Variants in TUSC3 observed in about 807,000 individuals in gnomAD.
TUSC3 encodes dolichyl-diphosphooligosaccharide--protein glycosyltransferase subunit TUSC3.
In TUSC3, 45 loss-of-function variants were observed where a neutral mutation model predicts 44.8. The ratio of observed to expected loss-of-function variants is 1.00; its 90% confidence interval spans 0.79 to 1.29. The LOEUF (loss-of-function observed/expected upper bound fraction) is 1.29, where lower values mean the gene tolerates loss of function less well. Among genes scored for constraint, TUSC3 ranks in the 50% most tolerant of loss-of-function variants. The pLI, the probability that TUSC3 is intolerant of heterozygous loss-of-function variation, is 0.00. For synonymous variants in TUSC3, 212 were observed against 152.9 expected, an observed-to-expected ratio of 1.39 and a Z score of -2.85; for missense variants, 519 against 437.9, an observed-to-expected ratio of 1.19 and a Z score of -1.65.
Position 15,485,511 on chromosome 8 carries a change from G to C in TUSC3, n.189+2028G>C, listed in dbSNP as rs80206867. 2.9e-3 allele frequency among the ~76,000 whole-genome samples: 419 copies of C among 144,946 alleles called. 8 individuals carry two copies. The East Asian group carries it at 0.057, about 20-fold the overall frequency. The stretch of plus-strand genomic sequence containing the variant: ...ACACAGAGTTCTTGTCACCCAGGCT[G>C]GAGTGCAGGGCCACTTGCATTCTCT... On this transcript the variant is annotated intron_variant and non_coding_transcript_variant, in intron 2 of 5. Transcript: ENST00000503191.
At chr8:15,722,704 T>C (rs1015121956) in intron 6 of TUSC3, among the ~76,000 whole-genome samples, 2 of 152,104 alleles carry the variant, frequency 1.3e-5, no homozygotes, top group African/African-American at 2.4e-5. Flanking sequence ...CTTCTGTCTG[T>C]AGAGCTCTGG....
intron 1 of TUSC3, among the ~76,000 whole-genome samples, chr8:15,454,082 C>T (rs991583981): frequency 6.6e-5 from 10 of 152,174 alleles, no homozygotes; most frequent in African/African-American, 9.6e-5. Context: ...TGCATGCTCC[C>T]CTCCCAAGTG....
At chr8:15,836,428 G>A in the TUSC3 span, among the ~76,000 whole-genome samples, 3 of 149,384 alleles carry the variant, frequency 2.0e-5, 1 homozygote, top group South Asian at 4.2e-4. Context: ...AGTGAGCTGG[G>A]ATCACACCAC....
At chr8:15,424,155 AG>A (rs1468762165) in intron 1 of TUSC3, among the ~76,000 whole-genome samples, 1 of 151,194 alleles carries the variant, frequency 6.6e-6, no homozygotes, top group East Asian at 2.0e-4. Flanking sequence ...CACTCAGCAA[AG>A]TTTTGTATTT....
At chr8:15,582,904 C>G (rs1803433064) in intron 1 of TUSC3, among the ~76,000 whole-genome samples, 1 of 152,228 alleles carries the variant, frequency 6.6e-6, no homozygotes, top group Non-Finnish European at 1.5e-5. Context: ...CTTTGTTCTT[C>G]AGACATACTG....
At chr8:15,540,226 T>C, upstream of TUSC3, 1 of 712,344 alleles carries the variant, frequency 1.4e-6, no homozygotes, top group Non-Finnish European at 2.0e-6. Flanking sequence ...ATCCCGCGCC[T>C]TTCCAGGTCT....
At chr8:15,538,507 A>C (rs935000246), upstream of TUSC3, among the ~76,000 whole-genome samples, 4 of 152,206 alleles carry the variant, frequency 2.6e-5, no homozygotes, top group African/African-American at 9.6e-5. Flanking sequence ...CCAGACTGTC[A>C]ATGTTCAAAT....
chr8:15,441,951 C>T (rs776618835), intron 1 of TUSC3, among the ~76,000 whole-genome samples: 29 of 152,106 alleles, frequency 1.9e-4, no homozygotes, highest in Admixed American at 2.0e-4. Flanking sequence ...AACTCCTATC[C>T]GGTCTCATTC....
chr8:15,813,009 G>T, the TUSC3 span, among the ~76,000 whole-genome samples: 4 of 152,032 alleles, frequency 2.6e-5, no homozygotes, highest in Non-Finnish European at 4.4e-5. Context: ...CACAAGAATC[G>T]CTTGAACCTG....
intron 6 of TUSC3, among the ~76,000 whole-genome samples, chr8:15,683,245 T>A (rs1018038120): frequency 2.0e-5 from 3 of 152,214 alleles, no homozygotes; most frequent in Non-Finnish European, 4.4e-5. Flanking sequence ...AAATATGTTT[T>A]CCATGTTTTC....
chr8:15,561,697 A>C (rs1459640934), intron 1 of TUSC3: 3 of 150,054 alleles, frequency 2.0e-5, no homozygotes, highest in African/African-American at 7.3e-5. Context: ...TGCGGGATAT[A>C]ATCTTGTGGT....
Position 15,540,290 on chromosome 8 carries a change from G to A in TUSC3, c.-141G>A, listed in dbSNP as rs1801633360. The A allele has an allele frequency of 2.5e-6, 3 of 1,212,608 alleles. No individual in the cohort carries two copies. Among genetic ancestry groups the A allele is most frequent in the Non-Finnish European group, 3.2e-6 (3 of 935,548 alleles). 75.1% of individuals were successfully genotyped at this position (1,212,608 alleles called of 1,614,324 possible). A position where few individuals can be genotyped will look rare whatever the true frequency, so the allele number is the denominator to read the frequency against. ...TCTCCTCCTCTGCGTCCTCGGCCGC[G>A]GCCCGGGTCCCTCGCAAAGCCGCTG... On this transcript the variant is annotated 5_prime_UTR_variant, in exon 1 of 11. Coordinates refer to ENST00000503731, the MANE Select transcript of TUSC3 (RefSeq NM_006765.4).
intron 7 of TUSC3, among the ~76,000 whole-genome samples, chr8:15,741,186 T>C (rs1196183699): frequency 6.6e-6 from 1 of 152,130 alleles, no homozygotes; most frequent in Non-Finnish European, 1.5e-5. Flanking sequence ...TGTATAAAAT[T>C]TGACCCTAAG....
chr8:15,830,381 T>C, the TUSC3 span, among the ~76,000 whole-genome samples: 1 of 152,192 alleles, frequency 6.6e-6, no homozygotes, highest in Admixed American at 6.5e-5. Flanking sequence ...AGAAGAGGAT[T>C]TCCTAGGTTT....
intron 6 of TUSC3, among the ~76,000 whole-genome samples, chr8:15,723,254 A>G (rs557436683): frequency 6.6e-6 from 1 of 152,274 alleles, no homozygotes; most frequent in African/African-American, 2.4e-5. Context: ...CAGCAGAGAC[A>G]TTGCTAAACG....
At chr8:15,656,650 C>G (rs780189592) in intron 3 of TUSC3, among the ~76,000 whole-genome samples, 1 of 148,006 alleles carries the variant, frequency 6.8e-6, no homozygotes, top group East Asian at 1.9e-4. Flanking sequence ...CAGGCCCAAG[C>G]CCACGCAACA....
intron 6 of TUSC3, among the ~76,000 whole-genome samples, chr8:15,709,908 G>T (rs895293867): frequency 1.1e-4 from 17 of 151,740 alleles, no homozygotes; most frequent in African/African-American, 3.9e-4. Flanking sequence ...CTCAAATTCA[G>T]CTTCCTAAAT....
chr8:15,429,365 T>G (rs1799843987), intron 1 of TUSC3, among the ~76,000 whole-genome samples: 5 of 151,080 alleles, frequency 3.3e-5, no homozygotes, highest in Admixed American at 6.6e-5. Flanking sequence ...CTGTTTTGGT[T>G]ACTGTAGCCT....
chr8:15,825,930 C>T, the TUSC3 span, among the ~76,000 whole-genome samples: 10 of 139,740 alleles, frequency 7.2e-5, no homozygotes, highest in African/African-American at 2.6e-4. Context: ...AGAAGCAATA[C>T]ACCTAAAGAA....
Sources: gnomAD v4.1 joint callset for allele counts (sites outside exome capture counted in the v4.1 genomes callset) on GRCh38, gnomAD v4.1.1 for gene constraint, MANE v1.5 for transcripts, NCBI Gene and HGNC (gene_info 2026-07-23, HGNC 2026-07-21) for gene names.